Variants in LHFPL3 observed in about 807,000 individuals in gnomAD.
LHFPL3 encodes LHFPL tetraspan subfamily member 3.
A neutral mutation model predicts 19.3 loss-of-function variants in LHFPL3; 5 were observed. The ratio of observed to expected loss-of-function variants is 0.26; its 90% CI spans 0.14 to 0.54. The LOEUF is 0.54. Among genes scored for constraint, LHFPL3 ranks in the 20% least tolerant of loss-of-function variants. The pLI, the probability that LHFPL3 is intolerant of heterozygous loss-of-function variation, is 0.94. For synonymous variants in LHFPL3, 133 were observed against 126.2 expected (o/e 1.05, Z -0.36); for missense variants, 249 against 307.4 (o/e 0.81, Z 1.42).
intron 1 of LHFPL3, among the ~76,000 whole-genome samples, chr7:104,612,392 T>TGGATGGATGGAG (rs1791228493): frequency 6.6e-6 from 1 of 151,868 alleles, no homozygotes; most frequent in East Asian, 1.9e-4. Flanking sequence ...GGTGGGTGGG[T>TGGATGGATGGAG]GGATGGATGG....
chr7:104,685,604 T>G (rs1792789950), intron 1 of LHFPL3, among the ~76,000 whole-genome samples: 1 of 152,128 alleles, frequency 6.6e-6, no homozygotes, highest in Admixed American at 6.5e-5. Flanking sequence ...TGTAGGAGAT[T>G]TTCCTACAGG....
At chr7:104,712,833 C>T (rs1793321124) in intron 1 of LHFPL3, among the ~76,000 whole-genome samples, 1 of 152,150 alleles carries the variant, frequency 6.6e-6, no homozygotes, top group South Asian at 2.1e-4. Flanking sequence ...ATACACATTA[C>T]AGTTGACAAA....
intron 1 of LHFPL3, among the ~76,000 whole-genome samples, chr7:104,542,616 G>T (rs1423909619): frequency 6.6e-6 from 1 of 152,146 alleles, no homozygotes; most frequent in Non-Finnish European, 1.5e-5. Flanking sequence ...CCTCAATAAG[G>T]CATCACTGAG....
chr7:104,418,534 AAAAC>A (rs527690638), intron 1 of LHFPL3, among the ~76,000 whole-genome samples: 28 of 152,306 alleles, frequency 1.8e-4, no homozygotes, highest in Admixed American at 3.3e-4. Context: ...CCTGTCTCCA[AAAAC>A]AAACAAACAA....
chr7:104,754,226 T>TA (rs372314028), intron 2 of LHFPL3, among the ~76,000 whole-genome samples: 3 of 151,700 alleles, frequency 2.0e-5, no homozygotes, highest in Middle Eastern at 3.4e-3. Context: ...GAATGCTTAA[T>TA]AAAAAAAAGA....
At chr7:104,895,651 TAA>T (rs1242133436) in intron 2 of LHFPL3, 1 of 152,160 alleles carries the variant, frequency 6.6e-6, no homozygotes, top group African/African-American at 2.4e-5. Context: ...CCGGGATTTC[TAA>T]AAGAGTCACT....
chr7:104,656,817 T>C (rs1411734963), intron 1 of LHFPL3, among the ~76,000 whole-genome samples: 1 of 152,234 alleles, frequency 6.6e-6, no homozygotes, highest in African/African-American at 2.4e-5. Context: ...TTTAACACAT[T>C]ATGTGGACAG....
chr7:104,622,977 C>T, intron 1 of LHFPL3: 2 of 331,528 alleles, frequency 6.0e-6, no homozygotes, highest in South Asian at 2.4e-5. Context: ...TTTATTATAG[C>T]TATCCTGGAG....
chr7:104,466,214 G>A (rs1195217411), intron 1 of LHFPL3, among the ~76,000 whole-genome samples: 2 of 152,086 alleles, frequency 1.3e-5, no homozygotes, highest in African/African-American at 4.8e-5. Flanking sequence ...TTTAAATATT[G>A]GTATTGAAAG....
chr7:104,499,926 A>C (rs1197413160), intron 1 of LHFPL3, among the ~76,000 whole-genome samples: 1 of 152,252 alleles, frequency 6.6e-6, no homozygotes, highest in Non-Finnish European at 1.5e-5. Context: ...ACAAGCCAGC[A>C]GATTAAAAAG....
At chr7:104,588,681 G>A (rs914799455) in intron 1 of LHFPL3, among the ~76,000 whole-genome samples, 1 of 152,148 alleles carries the variant, frequency 6.6e-6, no homozygotes, top group Non-Finnish European at 1.5e-5. Context: ...GATGGGGATG[G>A]CATTGAATCT....
At chr7:104,783,185 T>C (rs1434091553) in intron 2 of LHFPL3, among the ~76,000 whole-genome samples, 1 of 152,238 alleles carries the variant, frequency 6.6e-6, no homozygotes, top group Non-Finnish European at 1.5e-5. Flanking sequence ...TGGTGCACAT[T>C]GAAGTCAGAA....
At chr7:104,487,716 T>C (rs748917078) in intron 1 of LHFPL3, among the ~76,000 whole-genome samples, 2 of 152,246 alleles carry the variant, frequency 1.3e-5, no homozygotes, top group Non-Finnish European at 2.9e-5. Context: ...CTGAGTTTTA[T>C]TCTGTAACAT....
At chr7:104,828,868 C>T (rs1448046061) in intron 2 of LHFPL3, among the ~76,000 whole-genome samples, 1 of 151,818 alleles carries the variant, frequency 6.6e-6, no homozygotes, top group Non-Finnish European at 1.5e-5. Context: ...AACCCTGTCT[C>T]CACTAAAAAT....
intron 1 of LHFPL3, among the ~76,000 whole-genome samples, chr7:104,601,772 C>T (rs577069300): frequency 6.6e-6 from 1 of 152,104 alleles, no homozygotes; most frequent in Non-Finnish European, 1.5e-5. Flanking sequence ...ACCTGGTCCT[C>T]ACCATACTTT....
intron 2 of LHFPL3, among the ~76,000 whole-genome samples, chr7:104,805,174 T>A (rs553992501): frequency 1.3e-5 from 2 of 152,314 alleles, no homozygotes; most frequent in Admixed American, 1.3e-4. Context: ...AGAGAAACCA[T>A]CTGACTGGGC....
intron 1 of LHFPL3, among the ~76,000 whole-genome samples, chr7:104,510,321 A>G (rs1158498245): frequency 6.6e-6 from 1 of 152,186 alleles, no homozygotes; most frequent in African/African-American, 2.4e-5. Flanking sequence ...CATATATTCA[A>G]TCTCAAGAAT....
chr7:104,868,334 T>C (rs971081078), intron 2 of LHFPL3, among the ~76,000 whole-genome samples: 15 of 152,222 alleles, frequency 9.9e-5, no homozygotes, highest in South Asian at 6.2e-4. Context: ...AAAACCCCAT[T>C]GTCTCAGCCC....
At chr7:104,412,089 A>G (rs1791544541) in intron 1 of LHFPL3, among the ~76,000 whole-genome samples, 1 of 151,920 alleles carries the variant, frequency 6.6e-6, no homozygotes, top group Non-Finnish European at 1.5e-5. Flanking sequence ...ATATACCAGC[A>G]AGTCATTAAT....
Sources: gnomAD v4.1 joint callset for allele counts (sites outside exome capture counted in the v4.1 genomes callset) on GRCh38, gnomAD v4.1.1 for gene constraint, MANE v1.5 for transcripts, NCBI Gene and HGNC (gene_info 2026-07-23, HGNC 2026-07-21) for gene names.